FER: variants seen among roughly 807,000 people sequenced by gnomAD.
The protein encoded by FER is FER tyrosine kinase.
In FER, 63 loss-of-function variants were observed where a neutral mutation model predicts 111.0. That is an observed-to-expected ratio of 0.57 (90% CI 0.46 to 0.70). The LOEUF is 0.70. Ranked by LOEUF, FER falls within the 30% of genes least tolerant of loss-of-function variation. The pLI is 0.00. For missense variants in FER, 914 were observed against 954.0 expected (o/e 0.96, Z 0.55); for synonymous variants, 327 against 313.9 (o/e 1.04, Z -0.44).
intron 3 of FER, among the ~76,000 whole-genome samples, chr5:108,830,193 C>T (rs1759889890): frequency 6.6e-6 from 1 of 152,172 alleles, no homozygotes; most frequent in South Asian, 2.1e-4. Flanking sequence ...GTGGCTCATG[C>T]CTGCAATCCC....
At chr5:109,094,312 A>G (rs1336774988) in intron 16 of FER, among the ~76,000 whole-genome samples, 2 of 152,160 alleles carry the variant, frequency 1.3e-5, no homozygotes, top group Admixed American at 6.6e-5. Context: ...CTCCAGCTAT[A>G]TGGAATAATT....
At chr5:108,779,295 T>A (rs1425445304) in intron 2 of FER, among the ~76,000 whole-genome samples, 1 of 142,528 alleles carries the variant, frequency 7.0e-6, no homozygotes, top group Non-Finnish European at 1.6e-5. Context: ...TTCTGGGTCT[T>A]TTGCCAGCAT....
At chr5:109,138,392 T>C (rs758408250) in intron 17 of FER, among the ~76,000 whole-genome samples, 1 of 152,168 alleles carries the variant, frequency 6.6e-6, no homozygotes, top group Non-Finnish European at 1.5e-5. Context: ...TTTCTGGGAA[T>C]CCAAGGTACA....
intron 17 of FER, among the ~76,000 whole-genome samples, chr5:109,133,269 G>A (rs954038922): frequency 2.6e-5 from 4 of 152,136 alleles, no homozygotes; most frequent in African/African-American, 9.7e-5. Flanking sequence ...CTATCATGAA[G>A]ATATGCAAAC....
intron 5 of FER, among the ~76,000 whole-genome samples, chr5:108,836,216 T>C (rs536171549): frequency 6.6e-6 from 1 of 152,266 alleles, no homozygotes; most frequent in East Asian, 1.9e-4. Flanking sequence ...TATAGCATTA[T>C]GTTCTCTTTA....
At chr5:109,069,170 A>G (rs1177162304) in intron 16 of FER, among the ~76,000 whole-genome samples, 1 of 152,200 alleles carries the variant, frequency 6.6e-6, no homozygotes, top group African/African-American at 2.4e-5. Flanking sequence ...TACAAATACA[A>G]TACAATTACA....
intron 3 of FER, among the ~76,000 whole-genome samples, chr5:108,826,969 T>C (rs1759539234): frequency 6.6e-6 from 1 of 152,232 alleles, no homozygotes; most frequent in Non-Finnish European, 1.5e-5. Context: ...TCTCAATTCT[T>C]AGAGACAATT....
At chr5:109,107,751 A>C (rs1302224849) in intron 17 of FER, among the ~76,000 whole-genome samples, 1 of 152,058 alleles carries the variant, frequency 6.6e-6, no homozygotes, top group Non-Finnish European at 1.5e-5. Context: ...CTGTGTGTTC[A>C]TTTGGAGTTT....
intron 9 of FER, chr5:108,891,442 G>C (rs565325062): frequency 2.0e-5 from 3 of 151,756 alleles, no homozygotes; most frequent in Non-Finnish European, 4.4e-5. Flanking sequence ...TTTTAGGCTG[G>C]TCCGAAGAGT....
At chr5:108,974,392 A>G (rs1002864946) in intron 13 of FER, among the ~76,000 whole-genome samples, 9 of 152,206 alleles carry the variant, frequency 5.9e-5, no homozygotes, top group African/African-American at 2.2e-4. Context: ...ATAGTTTTTC[A>G]GAGGAGGTGC....
At chr5:108,846,425 C>G (rs1212139649) in intron 5 of FER, among the ~76,000 whole-genome samples, 1 of 150,402 alleles carries the variant, frequency 6.6e-6, no homozygotes, top group Non-Finnish European at 1.5e-5. Flanking sequence ...GACCTTGTCT[C>G]TGGAAAAAAA....
rs369632215 is a variant in FER at position 109,192,589 on chromosome 5, A to T, written c.*5014A>T. The T allele has an allele frequency of 2.0e-5, 3 of 152,266 alleles. No individual in the cohort carries two copies. Among genetic ancestry groups the T allele is most frequent in the South Asian group, 4.1e-4 (2 of 4,824 alleles). 9.4% of individuals were successfully genotyped at this position (152,266 alleles called of 1,614,324 possible). ...AAGACACTACCCAAAGCTTCTTTAC[A>T]TTTGCATTGGTTATATTTAATATTT... On this transcript the variant is annotated 3_prime_UTR_variant, in exon 20 of 20. Coordinates refer to ENST00000281092, the MANE Select transcript of FER (RefSeq NM_005246.4).
intron 16 of FER, among the ~76,000 whole-genome samples, chr5:109,068,113 A>G (rs1775332386): frequency 6.6e-6 from 1 of 152,134 alleles, no homozygotes; most frequent in African/African-American, 2.4e-5. Flanking sequence ...GAATTTCTTT[A>G]GAAAACTGAG....
At chr5:108,841,525 TC>T (rs775525543) in intron 5 of FER, among the ~76,000 whole-genome samples, 25 of 152,320 alleles carry the variant, frequency 1.6e-4, no homozygotes, top group Middle Eastern at 3.4e-3. Flanking sequence ...TGTTGGGGGC[TC>T]TGGCAAATAT....
chr5:108,851,788 T>C (rs10064960), intron 5 of FER, among the ~76,000 whole-genome samples: 34,388 of 152,124 alleles, frequency 0.23, 4,083 homozygotes, highest in African/African-American at 0.29. Context: ...TTCTGTATGT[T>C]TAGAATTATG....
chr5:109,021,764 T>C (rs1561785504), intron 13 of FER, among the ~76,000 whole-genome samples: 1 of 152,102 alleles, frequency 6.6e-6, no homozygotes, highest in Non-Finnish European at 1.5e-5. Flanking sequence ...TTAGATTTGA[T>C]AGATATTTAT....
chr5:108,845,053 T>TATAC (rs1761871001), intron 5 of FER, among the ~76,000 whole-genome samples: 2 of 50,558 alleles, frequency 4.0e-5, no homozygotes, highest in African/African-American at 1.9e-4. Flanking sequence ...TATATATATA[T>TATAC]ATATATATAT....
Position 109,190,459 on chromosome 5 carries a change from G to T in FER, c.*2884G>T, listed in dbSNP as rs1759303909. 6.6e-6 allele frequency: 1 copy of T among 151,988 alleles called. No individual in the cohort carries two copies. The highest frequency in any genetic ancestry group is 1.5e-5 in the Non-Finnish European group (1 of 67,986). 9.4% of individuals were successfully genotyped at this position (151,988 alleles called of 1,614,324 possible). A position where few individuals can be genotyped will look rare whatever the true frequency, so the allele number is the denominator to read the frequency against. On this transcript the variant is annotated 3_prime_UTR_variant, in exon 20 of 20. Coordinates refer to ENST00000281092, the MANE Select transcript of FER (RefSeq NM_005246.4). The stretch of plus-strand genomic sequence containing the variant: ...AACACAAGCAGTCTGTGTCTCACTG[G>T]TCACTAAGGGGCCTTTATGAGACAG...
intron 17 of FER, among the ~76,000 whole-genome samples, chr5:109,179,799 G>A (rs1199126370): frequency 6.6e-6 from 1 of 152,136 alleles, no homozygotes; most frequent in Non-Finnish European, 1.5e-5. Flanking sequence ...TTATATCAGG[G>A]ATTTGAGCAT....
Sources: gnomAD v4.1 joint callset for allele counts (sites outside exome capture counted in the v4.1 genomes callset) on GRCh38, gnomAD v4.1.1 for gene constraint, MANE v1.5 for transcripts, NCBI Gene and HGNC (gene_info 2026-07-23, HGNC 2026-07-21) for gene names.